The following IQSEC3 variants were observed in gnomAD, a reference collection of about 807,000 sequenced individuals.
The protein encoded by IQSEC3 is IQ motif and SEC7 domain-containing protein 3.
IQSEC3 carries 50 observed loss-of-function variants against 105.4 expected under a neutral mutation model. That is an observed-to-expected ratio of 0.47 (90% CI 0.38 to 0.60). The LOEUF (loss-of-function observed/expected upper bound fraction) is 0.60. IQSEC3 is among the 20% of genes least tolerant of loss of function. The pLI, the probability that IQSEC3 is intolerant of heterozygous loss-of-function variation, is 0.00. For synonymous variants in IQSEC3, 708 were observed against 746.0 expected, an observed-to-expected ratio of 0.95 and a Z score of 0.83; for missense variants, 1,415 against 1,630.0, an observed-to-expected ratio of 0.87 and a Z score of 2.27.
At chr12:146,574 A>G (rs1475806891) in intron 5 of IQSEC3, among the ~76,000 whole-genome samples, 22 of 152,170 alleles carry the variant, frequency 1.4e-4, no homozygotes, top group Admixed American at 1.4e-3. Context: ...TGAGCCCAGG[A>G]GATGGAAACT....
At chr12:94,654 C>G (rs1225485060) in intron 1 of IQSEC3, among the ~76,000 whole-genome samples, 4 of 152,242 alleles carry the variant, frequency 2.6e-5, no homozygotes, top group African/African-American at 9.6e-5. Context: ...AGTTACCCAT[C>G]ACATGTGTCA....
At chr12:79,194 G>A (rs578180935) in intron 1 of IQSEC3, among the ~76,000 whole-genome samples, 1 of 150,298 alleles carries the variant, frequency 6.7e-6, no homozygotes, top group African/African-American at 2.5e-5. Context: ...AGGGGCTGTG[G>A]CCAGACCAGC....
At chr12:119,053 A>C (rs531591476) in intron 2 of IQSEC3, among the ~76,000 whole-genome samples, 2 of 152,362 alleles carry the variant, frequency 1.3e-5, no homozygotes, top group East Asian at 3.9e-4. Context: ...ACTATCCTGG[A>C]AAGGAGGTAT....
chr12:86,435 C>T lies in IQSEC3; in HGVS notation c.555-12711C>T, dbSNP rs150106746. The stretch of plus-strand genomic sequence containing the variant: ...TAATACTGTGAGGCTTTGGAGTGTG[C>T]GGTAATCGGGTCTGGGACAGTGAGG... On this transcript the variant is annotated intron_variant, in intron 1 of 13. Coordinates refer to ENST00000538872, the MANE Select transcript of IQSEC3 (RefSeq NM_001170738.2). 1.0e-3 allele frequency among the ~76,000 whole-genome samples: 152 copies of T among 152,104 alleles called. 1 individual carries two copies. Among genetic ancestry groups the T allele is most frequent in the African/African-American group, 3.4e-3 (142 of 41,498 alleles).
chr12:142,590 T>C (rs559770513), intron 5 of IQSEC3: 1 of 152,348 alleles, frequency 6.6e-6, no homozygotes, highest in East Asian at 1.9e-4. Flanking sequence ...CTTTTGACAA[T>C]TTATCATCCC....
intron 7 of IQSEC3, among the ~76,000 whole-genome samples, chr12:159,757 A>G (rs1415402293): frequency 6.6e-6 from 1 of 152,168 alleles, no homozygotes; most frequent in Non-Finnish European, 1.5e-5. Context: ...CTTTCCATCT[A>G]GAAACTCATG....
intron 1 of IQSEC3, among the ~76,000 whole-genome samples, chr12:72,711 G>C (rs1293483791): frequency 4.2e-5 from 4 of 94,840 alleles, no homozygotes; most frequent in Non-Finnish European, 7.5e-5. Flanking sequence ...AGAAAGGGGT[G>C]GTCATCTTTA....
At chr12:99,625 C>A (rs782394230) in intron 2 of IQSEC3, among the ~76,000 whole-genome samples, 55 of 152,240 alleles carry the variant, frequency 3.6e-4, no homozygotes, top group Non-Finnish European at 6.0e-4. Context: ...TTATACTTTT[C>A]TTTCTGGTTT....
intron 2 of IQSEC3, among the ~76,000 whole-genome samples, chr12:118,291 C>T (rs1865112281): frequency 6.6e-6 from 1 of 152,100 alleles, no homozygotes; most frequent in Admixed American, 6.5e-5. Context: ...TCACCTCCAC[C>T]CCCCTCATGC....
At chr12:136,191 G>A (rs1005433930) in intron 3 of IQSEC3, among the ~76,000 whole-genome samples, 5 of 152,210 alleles carry the variant, frequency 3.3e-5, no homozygotes, top group East Asian at 1.9e-4. Flanking sequence ...ATTAATCTGC[G>A]TGAGTTCCAA....
chr12:141,585 G>A, intron 5 of IQSEC3: 1 of 344,786 alleles, frequency 2.9e-6, no homozygotes, highest in Non-Finnish European at 5.3e-6. Context: ...CAGGGCAAGA[G>A]AAACCAGGAA....
At position 174,810 on chromosome 12, in the gene IQSEC3, G is replaced by C; in HGVS notation, c.3326G>C (p.Arg1109Pro). The C allele has an allele frequency of 6.3e-7, 1 of 1,583,124 alleles. No individual in the cohort carries two copies. Among genetic ancestry groups the C allele is most frequent in the Non-Finnish European group, 8.5e-7 (1 of 1,173,164 alleles). ...GTCCTGGACAAGCCCTGCCTGGCCC[G>C]CATGGAGCCCCTGCTGAGCCAGGCT... Reference protein sequence around the residue: ...VIVLDKPCLARMEPLLSQALS... With the variant: ...VIVLDKPCLAPMEPLLSQALS... Residue 1109 changes from arginine (R) to proline (P), a missense_variant, in exon 14 of 14, where the codon CGC becomes CCC. By Grantham distance (103) the Arg-to-Pro change is moderately radical. Around this residue, in one of 6 missense-constraint regions of IQSEC3, gnomAD observed 419 missense variants for 436.2 expected, o/e 0.96. Coordinates refer to ENST00000538872, the MANE Select transcript of IQSEC3 (RefSeq NM_001170738.2).
intron 7 of IQSEC3, among the ~76,000 whole-genome samples, chr12:160,112 A>G (rs1866832702): frequency 6.7e-6 from 1 of 148,248 alleles, no homozygotes; most frequent in Non-Finnish European, 1.5e-5. Context: ...GAAGATGTTA[A>G]TATTGGTTTG....
intron 1 of IQSEC3, among the ~76,000 whole-genome samples, chr12:83,360 T>A (rs1555071205): frequency 6.6e-6 from 1 of 152,010 alleles, no homozygotes; most frequent in South Asian, 2.1e-4. Flanking sequence ...AGAAGGCAGA[T>A]ATTTAACAAG....
intron 1 of IQSEC3, among the ~76,000 whole-genome samples, chr12:96,179 T>A (rs1864237774): frequency 6.6e-6 from 1 of 152,164 alleles, no homozygotes; most frequent in Non-Finnish European, 1.5e-5. Context: ...GGTGGGACAA[T>A]TTGAAATATG....
intron 1 of IQSEC3, among the ~76,000 whole-genome samples, chr12:76,072 C>A (rs1863508136): frequency 6.7e-6 from 1 of 150,082 alleles, no homozygotes; most frequent in South Asian, 2.1e-4. Flanking sequence ...CAAATCTCTG[C>A]AGTGAGAGTT....
At chr12:115,679 TAC>T (rs1347653192) in intron 2 of IQSEC3, among the ~76,000 whole-genome samples, 24 of 152,324 alleles carry the variant, frequency 1.6e-4, no homozygotes, top group African/African-American at 5.3e-4. Context: ...ATCCCTACTT[TAC>T]ACACAAGCAA....
chr12:171,108 A>T lies in IQSEC3; in HGVS notation c.3065-4A>T. 1 of 1,613,844 alleles carries T rather than the reference A, an allele frequency of 6.2e-7. No individual in the cohort carries two copies. Among genetic ancestry groups the T allele is most frequent in the Non-Finnish European group, 8.5e-7 (1 of 1,179,934 alleles). On this transcript the variant is annotated splice_region_variant and splice_polypyrimidine_tract_variant and intron_variant, in intron 12 of 13. Coordinates refer to ENST00000538872, the MANE Select transcript of IQSEC3 (RefSeq NM_001170738.2). ...AATGAGCCCTGTGCTCTTTGCATTC[A>T]AAGCCAAAAGGGAAGCCGCGCTCAG...
At chr12:73,079 TA>T (rs1863387255) in intron 1 of IQSEC3, among the ~76,000 whole-genome samples, 1 of 131,494 alleles carries the variant, frequency 7.6e-6, no homozygotes, top group African/African-American at 2.8e-5. Context: ...AATAAATAAA[TA>T]AATAAATAAA....
Sources: allele counts gnomAD v4.1 joint callset (sites outside exome capture counted in the v4.1 genomes callset), GRCh38; gene constraint gnomAD v4.1.1; regional missense constraint gnomAD v4.1.1; transcripts MANE v1.5; gene names NCBI Gene and HGNC (gene_info 2026-07-23, HGNC 2026-07-21).